Variants in IQSEC1 observed in about 807,000 individuals in gnomAD.
The protein encoded by IQSEC1 is IQ motif and Sec7 domain ArfGEF 1.
Under a neutral mutation model 91.0 loss-of-function variants are expected in IQSEC1, and 31 were observed. The observed-to-expected ratio is 0.34, with a 90% CI of 0.26 to 0.46. The LOEUF (loss-of-function observed/expected upper bound fraction) is 0.46, where lower values mean the gene tolerates loss of function less well. Among genes scored for constraint, IQSEC1 ranks in the 20% least tolerant of loss-of-function variants. IQSEC1 has a pLI of 1.00. For missense variants in IQSEC1, 1,388 were observed against 1,575.6 expected (o/e 0.88, Z 2.02); for synonymous variants, 699 against 662.6 (o/e 1.05, Z -0.84).
At chr3:13,215,906 C>T (rs1340995431) in intron 1 of IQSEC1, among the ~76,000 whole-genome samples, 2 of 152,222 alleles carry the variant, frequency 1.3e-5, no homozygotes, top group East Asian at 1.9e-4. Flanking sequence ...AAGTATCCTC[C>T]GAGCCCCAGA....
chr3:13,243,241 T>C (rs1385250933), intron 1 of IQSEC1, among the ~76,000 whole-genome samples: 1 of 152,068 alleles, frequency 6.6e-6, no homozygotes, highest in Non-Finnish European at 1.5e-5. Context: ...TGCACACCCT[T>C]GGGCAGGGGC....
At chr3:13,283,138 G>T (rs1291210875) in exon 1 of IQSEC1, among the ~76,000 whole-genome samples, 4 of 144,158 alleles carry the variant, frequency 2.8e-5, no homozygotes, top group Admixed American at 1.4e-4. Flanking sequence ...CGCCCCCGGG[G>T]CCCCCGCGCC....
chr3:13,032,066 C>T (rs554327582), intron 1 of IQSEC1, among the ~76,000 whole-genome samples: 33 of 152,298 alleles, frequency 2.2e-4, no homozygotes, highest in Middle Eastern at 3.4e-3. Context: ...TTTGCTTCCT[C>T]ATATTCTCCT....
chr3:12,908,450 T>G lies in IQSEC1; in HGVS notation c.2654A>C (p.Asn885Thr). 2.5e-6 allele frequency: 4 copies of G among 1,613,568 alleles called. No homozygotes were observed. Among genetic ancestry groups the G allele is most frequent in the Non-Finnish European group, 3.4e-6 (4 of 1,180,030 alleles). Reference protein sequence around the residue: ...QCSSLKKESGNGTLSRACLDD... With the variant: ...QCSSLKKESGTGTLSRACLDD... ...CAGGCAGGCCCGGCTCAGTGTTCCG[T>G]TGCCCGACTCCTTTTTGAGGCTAGA... Residue 885 changes from asparagine to threonine, a missense_variant, in exon 12 of 14, where the codon AAC (asparagine) becomes ACC (threonine). Around this residue, in one of 2 missense-constraint regions of IQSEC1, gnomAD observed 1,059 missense variants for 1,317.8 expected, o/e 0.80. Coordinates refer to ENST00000613206, the MANE Select transcript of IQSEC1 (RefSeq NM_001134382.3). This position sits in a 1 kb window ranked among gnomAD's most constrained non-coding sequence, Gnocchi z 4.9.
chr3:12,906,312 G>A (rs1420609570), intron 12 of IQSEC1, among the ~76,000 whole-genome samples: 3 of 152,132 alleles, frequency 2.0e-5, no homozygotes, highest in Non-Finnish European at 2.9e-5. Context: ...AGTGAGGTGG[G>A]GCCATGCTGC....
intron 2 of IQSEC1, among the ~76,000 whole-genome samples, chr3:13,101,724 C>T (rs1201494986): frequency 3.3e-5 from 5 of 152,070 alleles, no homozygotes; most frequent in Non-Finnish European, 5.9e-5. Flanking sequence ...CAGGTAGAAA[C>T]ATGGAGGAGG....
intron 1 of IQSEC1, among the ~76,000 whole-genome samples, chr3:13,035,182 T>A (rs1352520624): frequency 6.6e-6 from 1 of 151,868 alleles, no homozygotes; most frequent in East Asian, 1.9e-4. Flanking sequence ...GGGTACAGAG[T>A]AGGCGCCCCG....
chr3:13,223,017 G>A (rs1206110604), intron 1 of IQSEC1, among the ~76,000 whole-genome samples: 2 of 152,224 alleles, frequency 1.3e-5, no homozygotes, highest in Non-Finnish European at 2.9e-5. Flanking sequence ...ACAAAAAGGG[G>A]TCTTTTGTCA....
chr3:12,942,132 A>G (rs1314635526), intron 1 of IQSEC1, among the ~76,000 whole-genome samples: 4 of 152,176 alleles, frequency 2.6e-5, no homozygotes, highest in Non-Finnish European at 4.4e-5. Context: ...CTCACTGTCC[A>G]TCATCCACAT....
intron 1 of IQSEC1, among the ~76,000 whole-genome samples, chr3:12,949,529 TCTG>T (rs1420862430): frequency 6.6e-6 from 1 of 152,238 alleles, no homozygotes; most frequent in Non-Finnish European, 1.5e-5. Flanking sequence ...TCCCCTATAC[TCTG>T]CTTTCAGGGT....
intron 1 of IQSEC1, among the ~76,000 whole-genome samples, chr3:12,959,654 CCCG>C (rs1373197042): frequency 6.6e-6 from 1 of 152,190 alleles, no homozygotes; most frequent in African/African-American, 2.4e-5. Context: ...GCCCCAAGCA[CCCG>C]CCCCAGTGAC....
At chr3:13,255,947 G>A (rs898040276) in intron 1 of IQSEC1, among the ~76,000 whole-genome samples, 1 of 152,168 alleles carries the variant, frequency 6.6e-6, no homozygotes, top group Non-Finnish European at 1.5e-5. Context: ...TCACAACTGG[G>A]GAACTGGGGA....
At chr3:12,939,682 C>T (rs951518261) in intron 2 of IQSEC1, among the ~76,000 whole-genome samples, 6 of 152,156 alleles carry the variant, frequency 3.9e-5, no homozygotes, top group African/African-American at 1.2e-4. Flanking sequence ...CCTTCCTTTC[C>T]ATTTCACACA....
intron 1 of IQSEC1, among the ~76,000 whole-genome samples, chr3:12,980,877 G>T (rs1701416859): frequency 6.6e-6 from 1 of 152,246 alleles, no homozygotes; most frequent in South Asian, 2.1e-4. Flanking sequence ...ACTGTGAGCA[G>T]CGTGACAACC....
At chr3:13,009,123 G>T (rs1702761467) in intron 1 of IQSEC1, among the ~76,000 whole-genome samples, 1 of 152,184 alleles carries the variant, frequency 6.6e-6, no homozygotes, top group South Asian at 2.1e-4. Flanking sequence ...CCTGGCACTG[G>T]GTCAGGTTAT....
upstream of IQSEC1, among the ~76,000 whole-genome samples, chr3:13,078,383 G>A (rs1405767004): frequency 3.9e-5 from 6 of 152,158 alleles, no homozygotes; most frequent in Admixed American, 3.9e-4. Context: ...AATCAGAGAT[G>A]CTGGGCCCCT....
chr3:13,232,475 T>A (rs963565461), intron 1 of IQSEC1, among the ~76,000 whole-genome samples: 4 of 152,138 alleles, frequency 2.6e-5, no homozygotes, highest in African/African-American at 7.2e-5. Context: ...TCATCTGCAT[T>A]CCCAGCAAGG....
chr3:13,031,491 G>A (rs1335504719), intron 1 of IQSEC1, among the ~76,000 whole-genome samples: 1 of 152,210 alleles, frequency 6.6e-6, no homozygotes, highest in African/African-American at 2.4e-5. Flanking sequence ...AGTGTCCCAG[G>A]TCTCCCGGCA....
At chr3:12,901,590 T>C in intron 13 of IQSEC1, 68 bp from the exon 14 acceptor site, 1 of 1,354,718 alleles carries the variant, frequency 7.4e-7, no homozygotes, top group Non-Finnish European at 1.0e-6. Flanking sequence ...ATGATTTTTT[T>C]TTTTCAAATG....
Sources: allele counts gnomAD v4.1 joint callset (sites outside exome capture counted in the v4.1 genomes callset), GRCh38; gene constraint gnomAD v4.1.1; regional missense constraint gnomAD v4.1.1; non-coding constraint Gnocchi (gnomAD v3.1); transcripts MANE v1.5; gene names NCBI Gene and HGNC (gene_info 2026-07-23, HGNC 2026-07-21).